Variants in PCDH11Y observed in about 807,000 individuals in gnomAD.
PCDH11Y encodes protocadherin 11 Y-linked, also known as protocadherin-11 Y-linked.
For synonymous variants in PCDH11Y, 9 were observed against 83.6 expected (o/e 0.11, Z 4.87); for missense variants, 12 against 224.8 (o/e 0.05, Z 6.05).
intron 2 of PCDH11Y, among the ~76,000 whole-genome samples, chrY:5,457,201 G>C: frequency 9.1e-5 from 3 of 33,039 alleles, no homozygotes; most frequent in Non-Finnish European, 1.5e-4. Context: ...GCTGAAGTTG[G>C]CTTGGGACTA....
chrY:5,009,994 A>AGAGATC (rs2052545657), intron 1 of PCDH11Y, among the ~76,000 whole-genome samples: 1 of 32,897 alleles, frequency 3.0e-5, no homozygotes, highest in Admixed American at 2.7e-4. Context: ...CATGAGGTCA[A>AGAGATC]GAGATCGAGG....
At chrY:5,258,866 A>G (rs2124657772) in intron 2 of PCDH11Y, among the ~76,000 whole-genome samples, 1 of 33,388 alleles carries the variant, frequency 3.0e-5, no homozygotes, top group South Asian at 6.5e-4. Context: ...GCTGCCTGAA[A>G]GATCTGTCCA....
At chrY:5,443,481 T>G in intron 2 of PCDH11Y, among the ~76,000 whole-genome samples, 2 of 33,011 alleles carry the variant, frequency 6.1e-5, no homozygotes, top group Admixed American at 2.7e-4. Context: ...TAAGACTGAA[T>G]GCTTTTACTT....
intron 2 of PCDH11Y, among the ~76,000 whole-genome samples, chrY:5,363,746 T>G: frequency 3.2e-5 from 1 of 31,402 alleles, no homozygotes; most frequent in South Asian, 7.2e-4. Context: ...TTTCTTTTCC[T>G]TTAGTAAATA....
intron 2 of PCDH11Y, among the ~76,000 whole-genome samples, chrY:5,417,590 G>C: frequency 3.1e-5 from 1 of 32,368 alleles, no homozygotes; most frequent in Non-Finnish European, 7.6e-5. Flanking sequence ...AATTCTACTG[G>C]AAGAAGATAA....
chrY:5,546,949 TG>T (rs2053413494), intron 3 of PCDH11Y, among the ~76,000 whole-genome samples: 1 of 33,059 alleles, frequency 3.0e-5, no homozygotes, highest in Non-Finnish European at 7.5e-5. Flanking sequence ...TCTTCATTTT[TG>T]TTGATATATC....
intron 2 of PCDH11Y, among the ~76,000 whole-genome samples, chrY:5,412,334 A>G: frequency 3.0e-5 from 1 of 33,153 alleles, no homozygotes; most frequent in Non-Finnish European, 7.4e-5. Flanking sequence ...GCTTTTTGAC[A>G]GACACTATGG....
intron 4 of PCDH11Y, among the ~76,000 whole-genome samples, chrY:5,653,849 A>G: frequency 1.2e-4 from 4 of 32,465 alleles, no homozygotes. Context: ...AAAAATGTTA[A>G]GGCAGCCAGA....
chrY:5,612,758 A>G, intron 4 of PCDH11Y, among the ~76,000 whole-genome samples: 1 of 31,425 alleles, frequency 3.2e-5, no homozygotes, highest in South Asian at 7.4e-4. Context: ...GTCAAAACCC[A>G]TTTTTAGGAA....
intron 2 of PCDH11Y, among the ~76,000 whole-genome samples, chrY:5,342,115 T>C: frequency 3.0e-5 from 1 of 33,294 alleles, no homozygotes; most frequent in African/African-American, 1.2e-4. Flanking sequence ...CATAGACTAA[T>C]TTTTTATTAA....
chrY:5,147,172 G>A (rs2052857811), intron 2 of PCDH11Y, among the ~76,000 whole-genome samples: 107 of 25,272 alleles, frequency 4.2e-3, no homozygotes, highest in African/African-American at 0.016. Context: ...CCTTGTGATT[G>A]TGTGATTCAT....
intron 2 of PCDH11Y, among the ~76,000 whole-genome samples, chrY:5,336,974 A>G (rs2124668255): frequency 3.0e-5 from 1 of 33,640 alleles, no homozygotes; most frequent in South Asian, 6.6e-4. Flanking sequence ...GAGTTAAACT[A>G]TTAATGATTT....
intron 2 of PCDH11Y, among the ~76,000 whole-genome samples, chrY:5,274,177 T>C: frequency 3.0e-5 from 1 of 33,293 alleles, no homozygotes; most frequent in Non-Finnish European, 7.4e-5. Context: ...AAATTGTATT[T>C]ATGGATAGAA....
intron 2 of PCDH11Y, among the ~76,000 whole-genome samples, chrY:5,199,002 T>C (rs2052924108): frequency 3.0e-5 from 1 of 33,313 alleles, no homozygotes; most frequent in Non-Finnish European, 7.4e-5. Flanking sequence ...AGGGATTTTG[T>C]CAAGTAAATA....
chrY:5,478,042 T>C (rs2053321541), intron 2 of PCDH11Y, among the ~76,000 whole-genome samples: 1 of 34,276 alleles, frequency 2.9e-5, no homozygotes, highest in African/African-American at 1.1e-4. Flanking sequence ...TGATCTTAGT[T>C]ATTTCTTGTC....
At chrY:5,544,885 A>C in intron 3 of PCDH11Y, among the ~76,000 whole-genome samples, 1 of 30,132 alleles carries the variant, frequency 3.3e-5, no homozygotes, top group East Asian at 8.6e-4. Context: ...AAACTGAATT[A>C]TCTCTCTGTG....
intron 2 of PCDH11Y, among the ~76,000 whole-genome samples, chrY:5,401,635 T>G: frequency 3.1e-5 from 1 of 32,444 alleles, no homozygotes; most frequent in East Asian, 8.2e-4. Flanking sequence ...TGTGTGTTGT[T>G]CCTGTCTCTG....
At chrY:5,301,819 T>C (rs2053082678) in intron 2 of PCDH11Y, among the ~76,000 whole-genome samples, 1 of 31,525 alleles carries the variant, frequency 3.2e-5, no homozygotes, top group Non-Finnish European at 7.7e-5. Context: ...TAACCTGATT[T>C]TTTTTTCATA....
At chrY:5,415,541 G>A (rs2053252330) in intron 2 of PCDH11Y, among the ~76,000 whole-genome samples, 4 of 29,672 alleles carry the variant, frequency 1.3e-4, no homozygotes, top group African/African-American at 4.0e-4. Flanking sequence ...GCAAGTAGGC[G>A]TGGCCAGGGT....
Sources: gnomAD v4.1 joint callset for allele counts (sites outside exome capture counted in the v4.1 genomes callset) on GRCh38, gnomAD v4.1.1 for gene constraint, MANE v1.5 for transcripts, NCBI Gene and HGNC (gene_info 2026-07-23, HGNC 2026-07-21) for gene names.